OGA: variants seen among roughly 807,000 people sequenced by gnomAD.
OGA encodes O-GlcNAcase.
OGA carries 21 observed loss-of-function variants against 102.0 expected under a neutral mutation model. That is an observed-to-expected ratio of 0.21 (90% CI 0.15 to 0.30). OGA has a LOEUF of 0.30. OGA is among the 10% of genes least tolerant of loss of function. OGA has a pLI of 1.00. For synonymous variants in OGA, 408 were observed against 378.2 expected, an observed-to-expected ratio of 1.08 and a Z score of -0.91; for missense variants, 765 against 1,107.8, an observed-to-expected ratio of 0.69 and a Z score of 4.39.
At chr10:101,808,033 C>T in intron 4 of OGA, 132 bp from the exon 5 acceptor site, 1 of 805,372 alleles carries the variant, frequency 1.2e-6, no homozygotes. Context: ...ATTGTTTTTA[C>T]ATTTTCAATT....
At chr10:101,786,937 C>A (rs537003230) in intron 15 of OGA, among the ~76,000 whole-genome samples, 1 of 152,146 alleles carries the variant, frequency 6.6e-6, no homozygotes, top group Non-Finnish European at 1.5e-5. Context: ...TTAGTAGAGA[C>A]AGGGTTTCAC....
At chr10:101,817,005 G>A (rs577667866) in intron 1 of OGA, among the ~76,000 whole-genome samples, 4 of 152,298 alleles carry the variant, frequency 2.6e-5, no homozygotes, top group African/African-American at 9.6e-5. Context: ...TGTAACTGCG[G>A]AAAGACTAAT....
chr10:101,811,929 TAA>T (rs1421441728), intron 3 of OGA, among the ~76,000 whole-genome samples: 1 of 152,180 alleles, frequency 6.6e-6, no homozygotes, highest in South Asian at 2.1e-4. Flanking sequence ...TTGATCACAT[TAA>T]GTTTCATTAC....
At chr10:101,805,725 G>A (rs560021937) in intron 6 of OGA, among the ~76,000 whole-genome samples, 1 of 151,944 alleles carries the variant, frequency 6.6e-6, no homozygotes, top group East Asian at 1.9e-4. Context: ...GGAGGCCAAG[G>A]CGGGTGGATC....
intron 2 of OGA, 25 bp downstream of exon 2, chr10:101,813,530 T>C (rs752939248): frequency 3.9e-5 from 56 of 1,421,850 alleles, no homozygotes; most frequent in Non-Finnish European, 5.2e-5. Flanking sequence ...GGTTCTCCTC[T>C]CTCCTTCATA....
chr10:101,786,478 A>G lies in OGA; in HGVS notation c.2724T>C (p.Asp908=). 3 of 1,611,128 alleles carry G rather than the reference A, an allele frequency of 1.9e-6. No individual in the cohort carries two copies. Among genetic ancestry groups the G allele is most frequent in the Non-Finnish European group, 2.5e-6 (3 of 1,178,906 alleles). The part of the protein sequence containing the change: ...EIAKMEGFPK[D]VVILGRSL The stretch of plus-strand genomic sequence containing the variant: ...ACAGGCTCCGACCAAGTATAACCAC[A>G]TCCTTTGGAAATCCTTCCATTTTTG... The change falls in exon 16 of 16, where the codon GAT becomes GAC. Residue 908 remains aspartate, a synonymous_variant. Coordinates refer to ENST00000361464, the MANE Select transcript of OGA (RefSeq NM_012215.5).
intron 7 of OGA, among the ~76,000 whole-genome samples, chr10:101,802,168 G>C (rs2065401798): frequency 6.6e-6 from 1 of 151,750 alleles, no homozygotes; most frequent in Non-Finnish European, 1.5e-5. Flanking sequence ...AATTTTCAGT[G>C]TTCAGTGTTT....
rs1281017561 is a variant in OGA, at chr10:101,793,693, C to T, written c.2070+220G>A. 6 of 463,326 alleles carry T rather than the reference C, an allele frequency of 1.3e-5. No homozygotes were observed. The Admixed American group carries it at 1.4e-4, about 11-fold the overall frequency. 28.7% of individuals were successfully genotyped at this position (463,326 alleles called of 1,614,324 possible). A position where few individuals can be genotyped will look rare whatever the true frequency, so the allele number is the denominator to read the frequency against. On this transcript the variant is annotated intron_variant, in intron 11 of 15. Transcript: ENST00000361464. The stretch of plus-strand genomic sequence containing the variant: ...ACAATGTGAAGTGTATACCTAGAGC[C>T]GCTGCGCTTCGCAGGCGCGGGGGGG...
Position 101,813,946 on chromosome 10 carries a change from A to AG in OGA, c.200-341_200-340insC, listed in dbSNP as rs1370169276. On this transcript the variant is annotated intron_variant, in intron 1 of 15. Transcript: ENST00000361464. ...TAATTCCAATTTTTTAAGAGATCTC[A>AG]ATCTTATAATGGGGAACGGCAGCAA... Among the ~76,000 whole-genome samples the AG allele has an allele frequency of 1.1e-3, 169 of 152,310 alleles. 1 individual carries two copies. Among genetic ancestry groups the AG allele is most frequent in the Non-Finnish European group, 1.9e-4 (13 of 68,036 alleles).
chr10:101,795,952 G>A, intron 10 of OGA: 1 of 955,020 alleles, frequency 1.0e-6, no homozygotes, highest in South Asian at 4.8e-5. Flanking sequence ...CACCATAAAT[G>A]CTCAGTGCAG....
intron 9 of OGA, 63 bp from the exon 10 acceptor site, chr10:101,798,217 G>T (rs2065342066): frequency 6.7e-7 from 1 of 1,500,716 alleles, no homozygotes; most frequent in Admixed American, 1.8e-5. Context: ...CTGAGACACA[G>T]TTACACATTA....
intron 12 of OGA, among the ~76,000 whole-genome samples, chr10:101,792,323 TAGAG>T (rs2065269523): frequency 1.3e-5 from 2 of 152,208 alleles, no homozygotes; most frequent in South Asian, 4.1e-4. Context: ...GTATTTTTAA[TAGAG>T]AAAGGGTTTC....
At chr10:101,808,959 G>C (rs2065512459) in intron 4 of OGA, among the ~76,000 whole-genome samples, 1 of 151,306 alleles carries the variant, frequency 6.6e-6, no homozygotes, top group Non-Finnish European at 1.5e-5. Flanking sequence ...GACAGAGCAA[G>C]ACTCAGTTTC....
At chr10:101,803,466 A>C (rs1215806253) in intron 7 of OGA, among the ~76,000 whole-genome samples, 13 of 151,502 alleles carry the variant, frequency 8.6e-5, no homozygotes, top group African/African-American at 2.2e-4. Flanking sequence ...AAAAAAACAA[A>C]AAAAAAAAAA....
intron 14 of OGA, among the ~76,000 whole-genome samples, chr10:101,788,721 G>A (rs1359991704): frequency 1.3e-5 from 2 of 150,832 alleles, no homozygotes; most frequent in African/African-American, 4.9e-5. Context: ...GGCGACAGAG[G>A]GAAACTCCGT....
Position 101,798,997 on chromosome 10 carries a change from G to A in OGA, c.1654C>T (p.Pro552Ser), listed in dbSNP as rs373001177. 14 of 1,614,068 alleles carry A rather than the reference G, an allele frequency of 8.7e-6. No individual in the cohort carries two copies. The highest frequency in any genetic ancestry group is 1.6e-4 in the Middle Eastern group (1 of 6,084). ...AACTGCAAATCCTCCAGGGTCACTG[G>A]TTCCGCAGTGTACAAAGGCTTTTCA... The part of the protein sequence containing the change: ...PNEKPLYTAE[P>S]VTLEDLQLLA... Residue 552 changes from proline (P) to serine (S), a missense_variant, in exon 9 of 16, where the codon CCA becomes TCA. Pro to Ser is a moderately conservative substitution (Grantham distance 74). Coordinates refer to ENST00000361464, the MANE Select transcript of OGA (RefSeq NM_012215.5).
intron 1 of OGA, 108 bp downstream of exon 1, chr10:101,817,716 A>C (rs2065656462): frequency 7.9e-7 from 1 of 1,268,490 alleles, no homozygotes. Flanking sequence ...CACATTTCAG[A>C]CCCAGAGGCT....
chr10:101,807,075 T>A (rs2065485523), intron 5 of OGA, among the ~76,000 whole-genome samples: 3 of 152,316 alleles, frequency 2.0e-5, no homozygotes, highest in Admixed American at 2.0e-4. Context: ...CCCAGTATAA[T>A]CTTAAAACTT....
chr10:101,797,740 A>C (rs2065333874), intron 10 of OGA: 1 of 592,912 alleles, frequency 1.7e-6, no homozygotes, highest in Admixed American at 3.1e-5. Flanking sequence ...GTACTTTCTA[A>C]CATACTTTTA....
Sources: gnomAD v4.1 joint callset for allele counts (sites outside exome capture counted in the v4.1 genomes callset) on GRCh38, gnomAD v4.1.1 for gene constraint, MANE v1.5 for transcripts, NCBI Gene and HGNC (gene_info 2026-07-23, HGNC 2026-07-21) for gene names.